ATP8A1: variants seen among roughly 807,000 people sequenced by gnomAD.
ATP8A1 encodes ATPase phospholipid transporting 8A1, also known as phospholipid-transporting ATPase IA.
Under a neutral mutation model 177.7 loss-of-function variants are expected in ATP8A1, and 90 were observed. That is an observed-to-expected ratio of 0.51 (90% confidence interval 0.43 to 0.60). The LOEUF (loss-of-function observed/expected upper bound fraction) is 0.60, where lower values mean the gene tolerates loss of function less well. ATP8A1 is among the 20% of genes least tolerant of loss of function. The pLI, the probability that ATP8A1 is intolerant of heterozygous loss-of-function variation, is 0.00. For missense variants in ATP8A1, 1,072 were observed against 1,392.8 expected (o/e 0.77, Z 3.67); for synonymous variants, 493 against 485.9 (o/e 1.01, Z -0.19).
At chr4:42,580,369 C>T (rs140239188) in intron 10 of ATP8A1, among the ~76,000 whole-genome samples, 25 of 152,272 alleles carry the variant, frequency 1.6e-4, no homozygotes, top group East Asian at 7.7e-4. Context: ...CCCATGCTCC[C>T]GCAAACAGGC....
At chr4:42,647,158 T>C (rs1740622821) in intron 1 of ATP8A1, among the ~76,000 whole-genome samples, 2 of 152,220 alleles carry the variant, frequency 1.3e-5, no homozygotes, top group East Asian at 1.9e-4. Flanking sequence ...TGTGAAGTTT[T>C]ATACACACGT....
intron 19 of ATP8A1, among the ~76,000 whole-genome samples, chr4:42,546,438 G>C (rs1295653124): frequency 7.9e-6 from 1 of 127,258 alleles, no homozygotes; most frequent in Admixed American, 8.0e-5. Context: ...TTGTGGGGTG[G>C]GGGGAGGGGG....
chr4:42,486,375 T>TA (rs1291969479), intron 24 of ATP8A1, among the ~76,000 whole-genome samples: 1 of 152,172 alleles, frequency 6.6e-6, no homozygotes, highest in African/African-American at 2.4e-5. Flanking sequence ...TCGGGGCAAA[T>TA]ATTTAGGCTA....
chr4:42,574,858 C>A, intron 13 of ATP8A1, 151 bp from the exon 14 acceptor site: 1 of 589,928 alleles, frequency 1.7e-6, no homozygotes. Flanking sequence ...GGAATATATT[C>A]AGCTTTTTAA....
chr4:42,569,318 C>T (rs1731678787), intron 14 of ATP8A1, 113 bp from the exon 15 acceptor site: 2 of 673,872 alleles, frequency 3.0e-6, no homozygotes, highest in East Asian at 3.3e-5. Context: ...GAAAAGTTAA[C>T]AAAATGAACT....
chr4:42,579,696 G>A (rs1434942204), intron 11 of ATP8A1, 117 bp downstream of exon 11: 4 of 930,262 alleles, frequency 4.3e-6, no homozygotes, highest in Middle Eastern at 2.4e-4. Context: ...CAAATGTCCA[G>A]CTATCTTGGC....
chr4:42,552,648 G>T, intron 16 of ATP8A1, 38 bp from the exon 17 acceptor site: 1 of 1,465,944 alleles, frequency 6.8e-7, no homozygotes, highest in East Asian at 2.3e-5. Flanking sequence ...CCCTTCTCAT[G>T]TGAACATTTT....
chr4:42,601,040 T>TTG (rs1735208993), intron 5 of ATP8A1, among the ~76,000 whole-genome samples: 1 of 97,724 alleles, frequency 1.0e-5, no homozygotes, highest in African/African-American at 3.1e-5. Context: ...TTTCTTTTTT[T>TTG]TTTTTTTTTT....
At chr4:42,590,002 C>T (rs1322059227) in intron 7 of ATP8A1, among the ~76,000 whole-genome samples, 3 of 152,072 alleles carry the variant, frequency 2.0e-5, no homozygotes, top group Non-Finnish European at 4.4e-5. Context: ...ACAGCAGTTA[C>T]TGAAGCAATT....
At chr4:42,550,972 A>AGATACAT (rs1367133046) in intron 18 of ATP8A1, among the ~76,000 whole-genome samples, 4 of 152,230 alleles carry the variant, frequency 2.6e-5, no homozygotes, top group African/African-American at 7.2e-5. Flanking sequence ...CAGAATCAGA[A>AGATACAT]GATACATTAA....
At chr4:42,587,747 C>CA (rs1445268580) in intron 8 of ATP8A1, among the ~76,000 whole-genome samples, 1 of 152,012 alleles carries the variant, frequency 6.6e-6, no homozygotes, top group African/African-American at 2.4e-5. Context: ...GCTGGTACTA[C>CA]AGGCGCCCGC....
intron 9 of ATP8A1, among the ~76,000 whole-genome samples, chr4:42,584,564 C>G (rs1157575341): frequency 6.6e-6 from 1 of 152,196 alleles, no homozygotes; most frequent in East Asian, 1.9e-4. Flanking sequence ...AGTTTCTTCA[C>G]TCTCTCTTGG....
At chr4:42,594,189 A>G (rs1734486439) in intron 6 of ATP8A1, 2 of 651,052 alleles carry the variant, frequency 3.1e-6, no homozygotes, top group Non-Finnish European at 5.2e-6. Context: ...GAGGTTTTAA[A>G]TTCTTCGTTT....
intron 24 of ATP8A1, among the ~76,000 whole-genome samples, chr4:42,494,511 C>T (rs1723075166): frequency 1.3e-5 from 2 of 152,202 alleles, no homozygotes; most frequent in African/African-American, 4.8e-5. Flanking sequence ...CTTATGAAAT[C>T]TCCCAATGGC....
chr4:42,586,360 A>G lies in ATP8A1; in HGVS notation c.711T>C (p.Leu237=). The change falls in exon 9 of 37, where the codon CTT becomes CTC. Residue 237 remains leucine (L), a synonymous_variant. Transcript: ENST00000381668. ...HLYDFVGNIR[L]DGHGTVPLGA... ...CGGATTTTACATACCCATGTCCATC[A>G]AGCCTTATGTTTCCAACAAAATCGT... 1 of 1,614,006 alleles carries G rather than the reference A, an allele frequency of 6.2e-7. No individual in the cohort carries two copies. Among genetic ancestry groups the G allele is most frequent in the Non-Finnish European group, 8.5e-7 (1 of 1,179,948 alleles).
chr4:42,438,032 T>C (rs1454242080), intron 33 of ATP8A1, among the ~76,000 whole-genome samples: 1 of 149,884 alleles, frequency 6.7e-6, no homozygotes, highest in African/African-American at 2.5e-5. Flanking sequence ...AACTAAGTAC[T>C]TCGATGGGTG....
intron 14 of ATP8A1, 149 bp downstream of exon 14, chr4:42,574,470 C>G (rs1732223747): frequency 1.5e-6 from 1 of 647,424 alleles, no homozygotes; most frequent in Admixed American, 3.5e-5. Flanking sequence ...GCGAAATATA[C>G]ATGTGTCCTA....
intron 22 of ATP8A1, among the ~76,000 whole-genome samples, chr4:42,513,190 G>T (rs748428452): frequency 5.3e-4 from 81 of 152,026 alleles, no homozygotes; most frequent in Non-Finnish European, 1.3e-4. Context: ...TTCTCCCTTA[G>T]CCTGGCCTTA....
Position 42,594,578 on chromosome 4 carries a change from A to G in ATP8A1, c.451-3694T>C, listed in dbSNP as rs557878272. ...ACATTGTATATTGGATATATAACTT[A>G]TCTTGATAAAATCAATCTATTCTAT... On this transcript the variant is annotated intron_variant, in intron 6 of 36. Transcript: ENST00000381668. Among the ~76,000 whole-genome samples, 8 of 152,264 alleles carry G rather than the reference A, an allele frequency of 5.3e-5. No individual in the cohort carries two copies. The South Asian group carries it at 1.7e-3, about 32-fold the overall frequency.
Sources: allele counts gnomAD v4.1 joint callset (sites outside exome capture counted in the v4.1 genomes callset), GRCh38; gene constraint gnomAD v4.1.1; transcripts MANE v1.5; gene names NCBI Gene and HGNC (gene_info 2026-07-23, HGNC 2026-07-21).